The following TPRG1 variants were observed in gnomAD, a reference collection of about 807,000 sequenced individuals.
TPRG1 encodes tumor protein p63-regulated gene 1 protein.
In TPRG1, 29 loss-of-function variants were observed where a neutral mutation model predicts 29.3. The observed-to-expected ratio is 0.99, with a 90% CI of 0.74 to 1.35. The LOEUF (loss-of-function observed/expected upper bound fraction) is 1.35. Ranked by LOEUF, TPRG1 falls within the 40% of genes most tolerant of loss-of-function variation. The pLI is 0.00. For missense variants in TPRG1, 327 were observed against 335.0 expected (o/e 0.98, Z 0.19); for synonymous variants, 130 against 116.8 (o/e 1.11, Z -0.73).
At chr3:189,318,538 A>G (rs945210568) in intron 5 of TPRG1, among the ~76,000 whole-genome samples, 2 of 152,164 alleles carry the variant, frequency 1.3e-5, no homozygotes, top group Admixed American at 6.6e-5. Flanking sequence ...ATTTTCATTT[A>G]AAAAGAAGTA....
intron 4 of TPRG1, among the ~76,000 whole-genome samples, chr3:189,263,259 A>G (rs1191147721): frequency 2.0e-5 from 3 of 152,228 alleles, no homozygotes; most frequent in Admixed American, 6.5e-5. Flanking sequence ...AGACTTTTCT[A>G]AAGAAGAAAT....
rs1249000690 is a variant in TPRG1, at chr3:189,078,103, T to TTCTCTCTTTCTC, written c.-462-48951_-462-48950insCTCTTTCTCTCT. Among the ~76,000 whole-genome samples, 318 of 121,164 alleles carry TTCTCTCTTTCTC rather than the reference T, an allele frequency of 2.6e-3. 4 individuals carry two copies. Among genetic ancestry groups the TTCTCTCTTTCTC allele is most frequent in the African/African-American group, 9.3e-3 (311 of 33,342 alleles). The allele number at this position is 121,164 out of a possible 152,430, so 79.5% of individuals were successfully genotyped here. A position where few individuals can be genotyped will look rare whatever the true frequency, so the allele number is the denominator to read the frequency against. ...TTTCTCTCTTTCTCTCTTTCTTTCT[T>TTCTCTCTTTCTC]TCTTTCTTTCTTTCTTTCTTTCTTT... On this transcript the variant is annotated intron_variant, in intron 4 of 10. Coordinates refer to the TPRG1 transcript ENST00000433971.
chr3:189,160,204 G>A (rs1727285190), intron 5 of TPRG1, among the ~76,000 whole-genome samples: 1 of 152,124 alleles, frequency 6.6e-6, no homozygotes, highest in Admixed American at 6.5e-5. Context: ...AACGTGGAGT[G>A]AATGAAAAGA....
At chr3:189,146,596 T>C (rs1305178024) in intron 3 of TPRG1, among the ~76,000 whole-genome samples, 1 of 152,126 alleles carries the variant, frequency 6.6e-6, no homozygotes, top group Admixed American at 6.5e-5. Flanking sequence ...AGAGCACTGA[T>C]CCCCCATATT....
intron 3 of TPRG1, among the ~76,000 whole-genome samples, chr3:189,005,654 GCA>G (rs1323400947): frequency 6.6e-6 from 1 of 152,030 alleles, no homozygotes; most frequent in African/African-American, 2.4e-5. Flanking sequence ...GTGTTTCTGG[GCA>G]CGTACATGTG....
Position 189,270,736 on chromosome 3 carries a change from G to C in TPRG1, c.479+31827G>C, listed in dbSNP as rs190489441. Among the ~76,000 whole-genome samples, 212 of 152,208 alleles carry C rather than the reference G, an allele frequency of 1.4e-3. 1 individual carries two copies. The highest frequency in any genetic ancestry group is 4.9e-3 in the African/African-American group (204 of 41,542). On this transcript the variant is annotated intron_variant, in intron 4 of 5. Transcript: ENST00000345063. ...TGACTTCAAATATCATCACTATCGGGTGCCATTATGTCCATTTGCAGCTGA... is the reference window on the plus strand; with the variant it reads ...TGACTTCAAATATCATCACTATCGGCTGCCATTATGTCCATTTGCAGCTGA...
intron 1 of TPRG1, among the ~76,000 whole-genome samples, chr3:189,106,143 T>TA (rs1387224757): frequency 1.3e-5 from 2 of 152,154 alleles, no homozygotes. Flanking sequence ...AGTGTGTCGA[T>TA]ATTCACAATT....
At position 189,178,108 on chromosome 3, in the gene TPRG1, A is replaced by G. The variant is rs564024808; in HGVS notation, c.-10+5977A>G. Among the ~76,000 whole-genome samples the G allele has an allele frequency of 8.5e-5, 13 of 152,318 alleles. No homozygotes were observed. In the South Asian group the frequency reaches 2.7e-3, roughly 32 times the overall value. ...AGGCTCAAGACAATGGGAAGAAAGG[A>G]ATTGGAGATTGTGAATATAGATGTT... On this transcript the variant is annotated intron_variant, in intron 1 of 5. Transcript: ENST00000345063.
intron 3 of TPRG1, among the ~76,000 whole-genome samples, chr3:189,019,603 GC>G (rs1220259579): frequency 2.0e-5 from 3 of 152,166 alleles, no homozygotes; most frequent in Non-Finnish European, 4.4e-5. Context: ...TGATGGATAA[GC>G]TTTTTGATGT....
intron 1 of TPRG1, among the ~76,000 whole-genome samples, chr3:189,205,249 G>T (rs537603423): frequency 6.6e-6 from 1 of 152,278 alleles, no homozygotes; most frequent in African/African-American, 2.4e-5. Flanking sequence ...GGAAAGATCG[G>T]ATAAGAAAAC....
chr3:189,056,114 T>C (rs1281109556), intron 4 of TPRG1, among the ~76,000 whole-genome samples: 1 of 144,140 alleles, frequency 6.9e-6, no homozygotes, highest in Non-Finnish European at 1.5e-5. Flanking sequence ...CTTTCTTTTC[T>C]GAGAGAGAGT....
chr3:189,163,217 G>C (rs550814639), intron 5 of TPRG1, among the ~76,000 whole-genome samples: 25 of 152,248 alleles, frequency 1.6e-4, no homozygotes, highest in Non-Finnish European at 3.1e-4. Context: ...AGGGTGCAGC[G>C]AGCCAAGATG....
At chr3:189,115,324 T>C (rs1258473070) in intron 1 of TPRG1, among the ~76,000 whole-genome samples, 1 of 152,216 alleles carries the variant, frequency 6.6e-6, no homozygotes, top group Non-Finnish European at 1.5e-5. Context: ...CTGGGAACCT[T>C]AAGAAATAGT....
intron 4 of TPRG1, among the ~76,000 whole-genome samples, chr3:189,033,942 A>T (rs748250065): frequency 6.6e-6 from 1 of 152,224 alleles, no homozygotes; most frequent in Non-Finnish European, 1.5e-5. Context: ...TGATACCAAC[A>T]AAGCTTGTAG....
At chr3:189,095,691 A>T (rs1046000219), upstream of TPRG1, among the ~76,000 whole-genome samples, 1 of 152,184 alleles carries the variant, frequency 6.6e-6, no homozygotes, top group African/African-American at 2.4e-5. Flanking sequence ...CTTGTTCATA[A>T]GTCTCTGCGG....
chr3:189,238,704 A>G, intron 3 of TPRG1, 29 bp from the exon 4 acceptor site: 1 of 1,561,066 alleles, frequency 6.4e-7, no homozygotes, highest in South Asian at 1.2e-5. Context: ...TGTGTCATCA[A>G]TTTTTATTTG....
At position 189,078,211 on chromosome 3, in the gene TPRG1, C is replaced by G. The variant is rs532347523; in HGVS notation, c.-462-48846C>G. On this transcript the variant is annotated intron_variant, in intron 4 of 10. Transcript: ENST00000433971. ...GGAATGCAATAGCACTATCTTGGCT[C>G]ACTGCAACCTCTGCCTCTTGGGTTC... Among the ~76,000 whole-genome samples the G allele has an allele frequency of 1.2e-4, 18 of 149,746 alleles. No homozygotes were observed. The South Asian group carries it at 2.9e-3, about 24-fold the overall frequency.
chr3:189,288,822 G>A (rs568840163), intron 4 of TPRG1, among the ~76,000 whole-genome samples: 145 of 152,332 alleles, frequency 9.5e-4, no homozygotes, highest in African/African-American at 3.4e-3. Context: ...TGCATCTATC[G>A]CAAACCACTG....
chr3:189,179,716 T>G (rs1271130794), intron 1 of TPRG1, among the ~76,000 whole-genome samples: 1 of 152,188 alleles, frequency 6.6e-6, no homozygotes, highest in Non-Finnish European at 1.5e-5. Flanking sequence ...CCCAGAGAAG[T>G]TTCCCCCAAA....
Sources: gnomAD v4.1 joint callset for allele counts (sites outside exome capture counted in the v4.1 genomes callset) on GRCh38, gnomAD v4.1.1 for gene constraint, MANE v1.5 for transcripts, NCBI Gene and HGNC (gene_info 2026-07-23, HGNC 2026-07-21) for gene names.